The following TMEM132D variants were observed in gnomAD, a reference collection of about 807,000 sequenced individuals.
TMEM132D encodes the protein transmembrane protein 132D.
TMEM132D carries 21 observed loss-of-function variants against 62.3 expected under a neutral mutation model. That is an observed-to-expected ratio of 0.34 (90% CI 0.24 to 0.49). The LOEUF (loss-of-function observed/expected upper bound fraction) is 0.49. TMEM132D is among the 20% of genes least tolerant of loss of function. The pLI is 0.99. For synonymous variants in TMEM132D, 621 were observed against 575.6 expected (o/e 1.08, Z -1.13); for missense variants, 1,346 against 1,402.8 (o/e 0.96, Z 0.65).
intron 4 of TMEM132D, among the ~76,000 whole-genome samples, chr12:129,301,082 G>A (rs1414435939): frequency 2.6e-5 from 4 of 152,084 alleles, no homozygotes; most frequent in Non-Finnish European, 2.9e-5. Flanking sequence ...ACACTTACAC[G>A]TTCCAAGGGT....
intron 2 of TMEM132D, among the ~76,000 whole-genome samples, chr12:129,566,557 G>A (rs1877373161): frequency 6.6e-6 from 1 of 152,152 alleles, no homozygotes; most frequent in South Asian, 2.1e-4. Context: ...GTAGCAATAA[G>A]ATATCAATGT....
intron 3 of TMEM132D, among the ~76,000 whole-genome samples, chr12:129,525,300 A>T (rs1301969086): frequency 6.8e-6 from 1 of 146,236 alleles, no homozygotes; most frequent in East Asian, 2.0e-4. Context: ...TCTGAAAACA[A>T]CATCTTGGTC....
At chr12:129,800,884 G>A (rs957780338) in intron 1 of TMEM132D, among the ~76,000 whole-genome samples, 6 of 152,176 alleles carry the variant, frequency 3.9e-5, no homozygotes, top group African/African-American at 9.6e-5. Context: ...GAAGCAGGGC[G>A]AGGCATTGCC....
chr12:129,122,102 G>A (rs920459271), intron 5 of TMEM132D, among the ~76,000 whole-genome samples: 8 of 152,190 alleles, frequency 5.3e-5, no homozygotes, highest in African/African-American at 1.4e-4. Context: ...TGGGTGACCC[G>A]CCAGTGTGAC....
intron 2 of TMEM132D, among the ~76,000 whole-genome samples, chr12:129,599,791 T>C (rs1878437996): frequency 6.6e-6 from 1 of 152,192 alleles, no homozygotes; most frequent in Admixed American, 6.5e-5. Flanking sequence ...TACAACAACA[T>C]TATGTCTAAA....
chr12:129,560,338 C>T (rs1051392773), intron 2 of TMEM132D, among the ~76,000 whole-genome samples: 8 of 150,124 alleles, frequency 5.3e-5, no homozygotes, highest in Non-Finnish European at 1.0e-4. Flanking sequence ...GGCACGATCT[C>T]GGCTCACCAC....
At chr12:129,178,649 G>A (rs1877976524) in intron 5 of TMEM132D, among the ~76,000 whole-genome samples, 1 of 152,134 alleles carries the variant, frequency 6.6e-6, no homozygotes, top group South Asian at 2.1e-4. Flanking sequence ...CACTTCAAGA[G>A]GGTAAAAGAT....
At chr12:129,613,401 A>C (rs972491862) in intron 2 of TMEM132D, among the ~76,000 whole-genome samples, 9 of 152,154 alleles carry the variant, frequency 5.9e-5, no homozygotes, top group Admixed American at 5.2e-4. Flanking sequence ...GCAAACAGAG[A>C]ATGACAGACA....
intron 3 of TMEM132D, among the ~76,000 whole-genome samples, chr12:129,455,082 T>C (rs1873424562): frequency 6.6e-6 from 1 of 152,194 alleles, no homozygotes; most frequent in Non-Finnish European, 1.5e-5. Context: ...TGTTCACCAA[T>C]GAATAATTCT....
intron 5 of TMEM132D, among the ~76,000 whole-genome samples, chr12:129,149,381 A>G (rs1877007858): frequency 6.6e-6 from 1 of 151,850 alleles, no homozygotes; most frequent in Non-Finnish European, 1.5e-5. Context: ...GTATCCCAGA[A>G]CTTAAAGTTA....
rs1441496158 is a variant in TMEM132D at position 129,867,940 on chromosome 12, C to A, written c.79+35321G>T. Among the ~76,000 whole-genome samples the A allele has an allele frequency of 1.3e-5, 2 of 152,186 alleles. No homozygotes were observed. The highest frequency in any genetic ancestry group is 4.8e-5 in the African/African-American group (2 of 41,448). ...ACTAAGACAGCGTTTCTATGGTACACACGAGGCAGTGTTTCTATGGTACAC... is the reference window on the plus strand; with the variant it reads ...ACTAAGACAGCGTTTCTATGGTACAAACGAGGCAGTGTTTCTATGGTACAC... On this transcript the variant is annotated intron_variant, in intron 1 of 8. Transcript: ENST00000422113. The surrounding 1 kb of genome is among the most constrained non-coding windows in gnomAD (Gnocchi z 4.5).
intron 1 of TMEM132D, among the ~76,000 whole-genome samples, chr12:129,796,087 C>T (rs1478243832): frequency 6.6e-6 from 1 of 152,048 alleles, no homozygotes; most frequent in African/African-American, 2.4e-5. Context: ...TTAATCCCAG[C>T]ACTTTGGGAG....
At chr12:129,142,596 T>A (rs996002673) in intron 5 of TMEM132D, among the ~76,000 whole-genome samples, 1 of 152,232 alleles carries the variant, frequency 6.6e-6, no homozygotes, top group Non-Finnish European at 1.5e-5. Context: ...ATCTTTAAAA[T>A]TTGTTAAATT....
intron 1 of TMEM132D, among the ~76,000 whole-genome samples, chr12:129,763,074 TTTG>T (rs1388772528): frequency 5.9e-5 from 9 of 152,128 alleles, no homozygotes; most frequent in East Asian, 1.9e-4. Flanking sequence ...TCTTTAGCTT[TTTG>T]TTGTTGTTGT....
intron 4 of TMEM132D, among the ~76,000 whole-genome samples, chr12:129,238,026 T>G (rs1879831274): frequency 6.6e-6 from 1 of 152,168 alleles, no homozygotes; most frequent in African/African-American, 2.4e-5. Flanking sequence ...CCTCTCCATC[T>G]CAGACGAGTT....
rs1282029297 is a variant in TMEM132D at position 129,088,850 on chromosome 12, G to A, written c.1444-4148C>T. Among the ~76,000 whole-genome samples, 13 of 31,878 alleles carry A rather than the reference G, an allele frequency of 4.1e-4. 3 individuals carry two copies. The highest frequency in any genetic ancestry group is 6.6e-4 in the Non-Finnish European group (13 of 19,596). 20.9% of individuals were successfully genotyped at this position (31,878 alleles called of 152,430 possible). On this transcript the variant is annotated intron_variant, in intron 5 of 8. Transcript: ENST00000422113. ...CATGACCGGGATGTCCTCCATGACC[G>A]GGTGTCCTCCATGACCGGGTGTCCT...
chr12:129,204,713 A>G (rs1878795335), intron 5 of TMEM132D, among the ~76,000 whole-genome samples: 1 of 152,232 alleles, frequency 6.6e-6, no homozygotes, highest in African/African-American at 2.4e-5. Flanking sequence ...GAACGTCCCC[A>G]AGACACAATC....
chr12:129,647,382 G>A (rs1378123231), intron 2 of TMEM132D, among the ~76,000 whole-genome samples: 1 of 151,452 alleles, frequency 6.6e-6, no homozygotes, highest in African/African-American at 2.4e-5. Flanking sequence ...TGCTTAGGTT[G>A]TTTCCAAGCC....
rs751783635 is a variant in TMEM132D at position 129,337,625 on chromosome 12, C to A, written c.1299+9G>T. 3.1e-6 allele frequency: 5 copies of A among 1,613,632 alleles called. No homozygotes were observed. Among genetic ancestry groups the A allele is most frequent in the Non-Finnish European group, 4.2e-6 (5 of 1,179,796 alleles). The stretch of plus-strand genomic sequence containing the variant: ...TCAGTTCTAACAGCCCAGGGCGGGG[C>A]TTGCTTACCATAGCCAGCGGCACAA... On this transcript the variant is annotated intron_variant, in intron 4 of 8. Transcript: ENST00000422113.
Sources: allele counts gnomAD v4.1 joint callset (sites outside exome capture counted in the v4.1 genomes callset), GRCh38; gene constraint gnomAD v4.1.1; non-coding constraint Gnocchi (gnomAD v3.1); transcripts MANE v1.5; gene names NCBI Gene and HGNC (gene_info 2026-07-23, HGNC 2026-07-21).